Variants in CCDC149 observed in about 807,000 individuals in gnomAD.
CCDC149 encodes coiled-coil domain-containing protein 149.
Under a neutral mutation model 59.9 loss-of-function variants are expected in CCDC149, and 45 were observed. The observed-to-expected ratio is 0.75, with a 90% CI of 0.59 to 0.96. The LOEUF (loss-of-function observed/expected upper bound fraction) is 0.96. Among genes scored for constraint, CCDC149 ranks in the 40% least tolerant of loss-of-function variants. The pLI, the probability that CCDC149 is intolerant of heterozygous loss-of-function variation, is 0.00. For synonymous variants in CCDC149, 245 were observed against 260.6 expected, an observed-to-expected ratio of 0.94 and a Z score of 0.58; for missense variants, 584 against 664.7, an observed-to-expected ratio of 0.88 and a Z score of 1.33.
chr4:24,880,363 A>G (rs1285399344), intron 1 of CCDC149, among the ~76,000 whole-genome samples: 1 of 152,250 alleles, frequency 6.6e-6, no homozygotes, highest in Non-Finnish European at 1.5e-5. Flanking sequence ...ATGTTCACAC[A>G]ATGACGAAAT....
chr4:24,832,980 A>G (rs1032039699), intron 8 of CCDC149, among the ~76,000 whole-genome samples: 2 of 152,084 alleles, frequency 1.3e-5, no homozygotes, highest in African/African-American at 2.4e-5. Context: ...CCCATTCTAC[A>G]TCTGCAACTT....
At chr4:24,969,622 C>T (rs1452837773) in intron 1 of CCDC149, among the ~76,000 whole-genome samples, 3 of 152,318 alleles carry the variant, frequency 2.0e-5, no homozygotes, top group South Asian at 2.1e-4. Flanking sequence ...CTTGAACGAA[C>T]GGCCACAGAA....
chr4:24,887,083 T>C (rs1720226703), intron 1 of CCDC149, among the ~76,000 whole-genome samples: 1 of 152,184 alleles, frequency 6.6e-6, no homozygotes, highest in Admixed American at 6.5e-5. Context: ...GCTCATCATG[T>C]GCTCATCATC....
chr4:24,908,711 C>A (rs372100951), intron 1 of CCDC149, among the ~76,000 whole-genome samples: 4 of 152,108 alleles, frequency 2.6e-5, no homozygotes, highest in African/African-American at 9.7e-5. Context: ...AAAACAACAA[C>A]GACAAAAACC....
intron 8 of CCDC149, among the ~76,000 whole-genome samples, chr4:24,832,784 AG>A (rs1716244473): frequency 1.3e-5 from 2 of 152,220 alleles, no homozygotes; most frequent in East Asian, 3.8e-4. Flanking sequence ...ATAGATTGTA[AG>A]ATTTCCTTAG....
chr4:24,891,950 G>T (rs1357520131), intron 1 of CCDC149, among the ~76,000 whole-genome samples: 5 of 152,146 alleles, frequency 3.3e-5, no homozygotes. Context: ...AATGAGCCAT[G>T]ATCATGCCAC....
At chr4:24,921,356 T>C (rs930007223) in intron 1 of CCDC149, among the ~76,000 whole-genome samples, 2 of 152,348 alleles carry the variant, frequency 1.3e-5, no homozygotes, top group Non-Finnish European at 2.9e-5. Flanking sequence ...TGGTAAATTA[T>C]CACTATTCTG....
chr4:24,827,116 C>A (rs967508250), intron 9 of CCDC149: 1 of 152,208 alleles, frequency 6.6e-6, no homozygotes, highest in African/African-American at 2.4e-5. Context: ...GTAATGACAT[C>A]ATCAAAGGAG....
At chr4:24,851,574 A>T (rs190286598) in intron 4 of CCDC149, among the ~76,000 whole-genome samples, 185 of 152,366 alleles carry the variant, frequency 1.2e-3, no homozygotes, top group Admixed American at 3.5e-3. Flanking sequence ...TCAGGAAAAA[A>T]AAAGAAATAA....
At chr4:24,978,427 A>C (rs1724313921) in intron 1 of CCDC149, among the ~76,000 whole-genome samples, 1 of 152,202 alleles carries the variant, frequency 6.6e-6, no homozygotes. Flanking sequence ...AGACACCAGG[A>C]AATTGTAAGT....
chr4:24,939,172 G>C (rs1440147003), intron 1 of CCDC149, among the ~76,000 whole-genome samples: 1 of 152,306 alleles, frequency 6.6e-6, no homozygotes. Context: ...ACCTCACACG[G>C]CTGGGTACTC....
intron 3 of CCDC149, among the ~76,000 whole-genome samples, chr4:24,862,626 T>G (rs1216887004): frequency 2.6e-5 from 4 of 152,234 alleles, no homozygotes; most frequent in Non-Finnish European, 1.5e-5. Flanking sequence ...TTGTGAAACC[T>G]CTTGGGCCCT....
intron 1 of CCDC149, among the ~76,000 whole-genome samples, chr4:24,902,754 G>T (rs1721239963): frequency 6.6e-6 from 1 of 152,136 alleles, no homozygotes; most frequent in South Asian, 2.1e-4. Flanking sequence ...CAGGAGTGGT[G>T]GCTCACACCT....
At chr4:24,962,218 C>T (rs1723652902) in intron 1 of CCDC149, among the ~76,000 whole-genome samples, 1 of 152,188 alleles carries the variant, frequency 6.6e-6, no homozygotes. Flanking sequence ...AAATGCTCAT[C>T]ATCACTGGCC....
intron 1 of CCDC149, among the ~76,000 whole-genome samples, chr4:24,889,489 T>C (rs1720402324): frequency 6.6e-6 from 1 of 152,208 alleles, no homozygotes; most frequent in African/African-American, 2.4e-5. Context: ...ATTGTGTATA[T>C]GTTCAGGATG....
Position 24,909,065 on chromosome 4 carries a change from G to C in CCDC149, c.63+3752C>G, listed in dbSNP as rs1257964579. On this transcript the variant is annotated intron_variant, in intron 1 of 12. Transcript: ENST00000635206. Reference sequence around the variant, plus strand: ...GGTCATGCTTCTTTCACACGCATGGGTGTGTTTACTTCCAGGCCTGAAAGA... The same window carrying C: ...GGTCATGCTTCTTTCACACGCATGGCTGTGTTTACTTCCAGGCCTGAAAGA... Among the ~76,000 whole-genome samples, 3 of 152,212 alleles carry C rather than the reference G, an allele frequency of 2.0e-5. No homozygotes were observed. The East Asian group carries it at 5.8e-4, about 29-fold the overall frequency.
intron 3 of CCDC149, among the ~76,000 whole-genome samples, chr4:24,861,283 A>ACC (rs71187193): frequency 6.6e-6 from 1 of 151,326 alleles, no homozygotes; most frequent in Non-Finnish European, 1.5e-5. Flanking sequence ...ACACACACAC[A>ACC]CCATGGAGTA....
intron 9 of CCDC149, among the ~76,000 whole-genome samples, chr4:24,825,120 A>C (rs1199877195): frequency 6.6e-6 from 1 of 152,186 alleles, no homozygotes; most frequent in East Asian, 1.9e-4. Flanking sequence ...CCAATTCAAC[A>C]AACAGTTCCT....
chr4:24,866,448 T>G (rs1354099547), intron 3 of CCDC149, among the ~76,000 whole-genome samples: 1 of 152,192 alleles, frequency 6.6e-6, no homozygotes, highest in Non-Finnish European at 1.5e-5. Context: ...AATTGCCCCT[T>G]TGTCTGCTTT....
Sources: allele counts gnomAD v4.1 joint callset (sites outside exome capture counted in the v4.1 genomes callset), GRCh38; gene constraint gnomAD v4.1.1; transcripts MANE v1.5; gene names NCBI Gene and HGNC (gene_info 2026-07-23, HGNC 2026-07-21).